KCNQ5: variants seen among roughly 807,000 people sequenced by gnomAD.
The protein encoded by KCNQ5 is potassium voltage-gated channel subfamily KQT member 5.
KCNQ5 carries 30 observed loss-of-function variants against 98.2 expected under a neutral mutation model. The ratio of observed to expected loss-of-function variants is 0.31; its 90% CI spans 0.23 to 0.41. The LOEUF is 0.41. Among genes scored for constraint, KCNQ5 ranks in the 10% least tolerant of loss-of-function variants. The pLI is 1.00. For missense variants in KCNQ5, 835 were observed against 1,182.5 expected, an observed-to-expected ratio of 0.71 and a Z score of 4.31; for synonymous variants, 458 against 449.4, an observed-to-expected ratio of 1.02 and a Z score of -0.24.
At chr6:72,648,104 GATAATTAT>G (rs1765690486) in intron 1 of KCNQ5, among the ~76,000 whole-genome samples, 1 of 152,048 alleles carries the variant, frequency 6.6e-6, no homozygotes, top group Non-Finnish European at 1.5e-5. Context: ...AATTAAGTTT[GATAATTAT>G]TTATAGCAGT....
intron 1 of KCNQ5, among the ~76,000 whole-genome samples, chr6:72,803,319 A>G (rs1191810437): frequency 6.6e-6 from 1 of 152,198 alleles, no homozygotes; most frequent in Non-Finnish European, 1.5e-5. Context: ...ACAGATAGTT[A>G]ATGGGAGAAA....
At chr6:73,125,617 T>C (rs1775948861) in intron 9 of KCNQ5, 1 of 220,094 alleles carries the variant, frequency 4.5e-6, no homozygotes, top group Non-Finnish European at 8.9e-6. Flanking sequence ...ATTTATGCAA[T>C]ACTGAAGCCA....
At chr6:73,159,758 T>G (rs1030937070) in intron 10 of KCNQ5, among the ~76,000 whole-genome samples, 1 of 152,242 alleles carries the variant, frequency 6.6e-6, no homozygotes, top group African/African-American at 2.4e-5. Context: ...TTTTGAATTG[T>G]GATTCATTCA....
intron 10 of KCNQ5, among the ~76,000 whole-genome samples, chr6:73,146,626 C>CAAAAAAAAAAAAAAA (rs58798764): frequency 3.5e-4 from 10 of 28,484 alleles, no homozygotes; most frequent in African/African-American, 9.4e-4. Context: ...GTCCCTGTCT[C>CAAAAAAAAAAAAAAA]AAAAAAAAAA....
At chr6:72,841,434 A>G (rs563782851) in intron 1 of KCNQ5, among the ~76,000 whole-genome samples, 8 of 152,262 alleles carry the variant, frequency 5.3e-5, no homozygotes, top group African/African-American at 1.9e-4. Context: ...CTCTCCATGC[A>G]GACCTTTGTT....
chr6:72,845,559 A>G (rs1314084459), intron 1 of KCNQ5, among the ~76,000 whole-genome samples: 1 of 152,228 alleles, frequency 6.6e-6, no homozygotes. Flanking sequence ...TGAAAACATC[A>G]GTTGCATTCA....
At chr6:72,875,423 G>A (rs140291171) in intron 1 of KCNQ5, among the ~76,000 whole-genome samples, 5 of 152,200 alleles carry the variant, frequency 3.3e-5, no homozygotes, top group Non-Finnish European at 7.4e-5. Context: ...GACTCTAATT[G>A]TTTATTTCCA....
At chr6:73,055,168 C>A in intron 3 of KCNQ5, 1 of 830,832 alleles carries the variant, frequency 1.2e-6, no homozygotes, top group Admixed American at 1.7e-5. Flanking sequence ...ACTTCAGCGG[C>A]TGGTACGACG....
intron 1 of KCNQ5, among the ~76,000 whole-genome samples, chr6:72,844,955 C>T (rs1252991148): frequency 1.3e-5 from 2 of 152,102 alleles, no homozygotes; most frequent in South Asian, 2.1e-4. Flanking sequence ...TTTAGCTTGA[C>T]GTGAAACTTT....
intron 1 of KCNQ5, among the ~76,000 whole-genome samples, chr6:72,895,644 A>G (rs200891238): frequency 2.0e-5 from 3 of 149,754 alleles, no homozygotes; most frequent in African/African-American, 4.9e-5. Context: ...TATGTATAAT[A>G]TATATTCAAC....
chr6:73,060,752 G>C (rs1439356125), intron 3 of KCNQ5, among the ~76,000 whole-genome samples: 1 of 152,042 alleles, frequency 6.6e-6, no homozygotes, highest in Non-Finnish European at 1.5e-5. Flanking sequence ...CACAGAATAA[G>C]AAATACATAT....
At chr6:72,987,508 C>T (rs1768843401) in intron 1 of KCNQ5, 2 of 660,086 alleles carry the variant, frequency 3.0e-6, no homozygotes, top group African/African-American at 1.8e-5. Flanking sequence ...AAAAACCTGT[C>T]CCCTTCGTTC....
chr6:72,850,444 T>C (rs541112365), intron 1 of KCNQ5, among the ~76,000 whole-genome samples: 8 of 152,294 alleles, frequency 5.3e-5, no homozygotes, highest in African/African-American at 4.8e-5. Flanking sequence ...ATTATTTTTA[T>C]TGAGCGCCTA....
rs527534505 is a variant in KCNQ5 at position 72,745,970 on chromosome 6, T to C, written c.398+123383T>C. Among the ~76,000 whole-genome samples the C allele has an allele frequency of 4.0e-5, 6 of 150,276 alleles. No individual in the cohort carries two copies. The East Asian group carries it at 1.2e-3, about 30-fold the overall frequency. Reference sequence around the variant, plus strand: ...TCCCCTGTATCTCTAACTCCAAATTTCTCTCTCCTTATAAGGACATCAGTG... The same window carrying C: ...TCCCCTGTATCTCTAACTCCAAATTCCTCTCTCCTTATAAGGACATCAGTG... On this transcript the variant is annotated intron_variant, in intron 1 of 13. Transcript: ENST00000370398.
At chr6:72,995,204 A>G (rs982807259) in intron 1 of KCNQ5, among the ~76,000 whole-genome samples, 11 of 152,056 alleles carry the variant, frequency 7.2e-5, no homozygotes, top group Middle Eastern at 3.2e-3. Flanking sequence ...CCCCATCTCT[A>G]CTAAAAATGC....
chr6:73,056,015 A>C (rs1772472545), intron 3 of KCNQ5, among the ~76,000 whole-genome samples: 1 of 151,772 alleles, frequency 6.6e-6, no homozygotes. Flanking sequence ...TTCTGCACCC[A>C]CTCCCTTCAT....
At chr6:73,014,486 G>A (rs182278582) in intron 2 of KCNQ5, among the ~76,000 whole-genome samples, 21 of 152,124 alleles carry the variant, frequency 1.4e-4, no homozygotes, top group East Asian at 5.8e-4. Context: ...CAAATGGATC[G>A]TGCTCAGCAT....
At chr6:72,896,746 G>A (rs1427901457) in intron 1 of KCNQ5, among the ~76,000 whole-genome samples, 1 of 152,100 alleles carries the variant, frequency 6.6e-6, no homozygotes, top group Non-Finnish European at 1.5e-5. Context: ...TTCCAAGTTG[G>A]AAAAAGTGCC....
chr6:72,764,706 T>C (rs1425417990), intron 1 of KCNQ5, among the ~76,000 whole-genome samples: 2 of 151,988 alleles, frequency 1.3e-5, no homozygotes, highest in Non-Finnish European at 2.9e-5. Context: ...GTAGGTCTTA[T>C]TCATTCTCTC....
Sources: gnomAD v4.1 joint callset for allele counts (sites outside exome capture counted in the v4.1 genomes callset) on GRCh38, gnomAD v4.1.1 for gene constraint, MANE v1.5 for transcripts, NCBI Gene and HGNC (gene_info 2026-07-23, HGNC 2026-07-21) for gene names.